POLR2F: variants seen among roughly 807,000 people sequenced by gnomAD.
POLR2F encodes DNA-directed RNA polymerases I, II, and III subunit RPABC2.
POLR2F carries 12 observed loss-of-function variants against 22.7 expected under a neutral mutation model. That is an observed-to-expected ratio of 0.53 (90% CI 0.34 to 0.86). POLR2F has a LOEUF of 0.86. Among genes scored for constraint, POLR2F ranks in the 40% least tolerant of loss-of-function variants. The probability of loss-of-function intolerance (pLI) is 0.02; values close to 1 mark genes in which losing one functional copy is unlikely to be tolerated. For missense variants in POLR2F, 126 were observed against 171.5 expected (o/e 0.73, Z 1.48); for synonymous variants, 57 against 66.0 (o/e 0.86, Z 0.66).
In POLR2F at chr22:37,967,924, G is replaced by A; in HGVS notation, c.*209G>A. 7.8e-7 allele frequency: 1 copy of A among 1,283,112 alleles called. No individual in the cohort carries two copies. Among genetic ancestry groups the A allele is most frequent in the Non-Finnish European group, 9.9e-7 (1 of 1,014,460 alleles). 79.5% of individuals were successfully genotyped at this position (1,283,112 alleles called of 1,614,324 possible). On this transcript the variant is annotated 3_prime_UTR_variant, in exon 5 of 5. Transcript: ENST00000442738. ...CTGTCAGCTCCTTAAGAAGCACCAGGGGCCCTTAGCCCCTTTGGATCCCCC... is the reference window on the plus strand; with the variant it reads ...CTGTCAGCTCCTTAAGAAGCACCAGAGGCCCTTAGCCCCTTTGGATCCCCC...
chr22:38,014,806 ATTT>A (rs71737468), intron 1 of POLR2F, among the ~76,000 whole-genome samples: 18 of 96,922 alleles, frequency 1.9e-4, no homozygotes, highest in Admixed American at 3.4e-4. Flanking sequence ...GTATTTTTGT[ATTT>A]TTTTTTTTTT....
chr22:37,972,038 A>G (rs1253135179), downstream of POLR2F, among the ~76,000 whole-genome samples: 2 of 144,842 alleles, frequency 1.4e-5, no homozygotes, highest in African/African-American at 5.1e-5. Context: ...GAGAGACAGA[A>G]AGAGAGAGAG....
chr22:37,982,585 T>C (rs1932433629), upstream of POLR2F, among the ~76,000 whole-genome samples: 1 of 151,806 alleles, frequency 6.6e-6, no homozygotes. Context: ...CTGGCCAGAG[T>C]GCTCAGCTCC....
downstream of POLR2F, among the ~76,000 whole-genome samples, chr22:38,028,222 G>A (rs886924568): frequency 1.3e-5 from 2 of 152,218 alleles, no homozygotes; most frequent in Non-Finnish European, 2.9e-5. Flanking sequence ...CATGAGAACA[G>A]TGGGGACCTG....
intron 1 of POLR2F, among the ~76,000 whole-genome samples, chr22:37,989,839 G>GCA (rs552873919): frequency 1.1e-4 from 16 of 152,278 alleles, no homozygotes; most frequent in South Asian, 6.2e-4. Flanking sequence ...CTCCTTGCCT[G>GCA]GGCCTTTGGG....
At chr22:38,003,658 C>G (rs1455441141) in intron 1 of POLR2F, among the ~76,000 whole-genome samples, 2 of 151,866 alleles carry the variant, frequency 1.3e-5, no homozygotes, top group African/African-American at 4.8e-5. Context: ...CTTACTGCAA[C>G]CTTTGCATCT....
chr22:38,004,344 G>A (rs1452545679), intron 1 of POLR2F, among the ~76,000 whole-genome samples: 11 of 152,152 alleles, frequency 7.2e-5, no homozygotes, highest in Non-Finnish European at 1.6e-4. Context: ...TGGGTCGTAG[G>A]GAGGGAAGAA....
At chr22:37,981,031 C>A (rs1932380038) in intron 4 of POLR2F, among the ~76,000 whole-genome samples, 1 of 152,208 alleles carries the variant, frequency 6.6e-6, no homozygotes, top group African/African-American at 2.4e-5. Flanking sequence ...CTCAACTAGC[C>A]CCTCCCCAGA....
At chr22:38,013,301 A>G (rs1464286300) in intron 1 of POLR2F, among the ~76,000 whole-genome samples, 1 of 152,142 alleles carries the variant, frequency 6.6e-6, no homozygotes. Flanking sequence ...ACATGCCACC[A>G]TGCCTGGCTA....
At chr22:38,028,674 G>A (rs530293546), downstream of POLR2F, among the ~76,000 whole-genome samples, 1 of 152,232 alleles carries the variant, frequency 6.6e-6, no homozygotes, top group African/African-American at 2.4e-5. Flanking sequence ...AGAGGACAGC[G>A]GCCACATAGC....
Position 37,953,784 on chromosome 22 carries a change from T to G in POLR2F, c.-4T>G. The G allele has an allele frequency of 6.2e-7, 1 of 1,608,786 alleles. No homozygotes were observed. Among genetic ancestry groups the G allele is most frequent in the East Asian group, 2.2e-5 (1 of 44,668 alleles). The stretch of plus-strand genomic sequence containing the variant: ...CGCAGCGGGGTCGCTGAGGCGAGGG[T>G]GTCATGTCAGACAACGAGGACAAGT... On this transcript the variant is annotated 5_prime_UTR_variant, in exon 1 of 5. Transcript: ENST00000442738.
chr22:38,027,355 G>T (rs951020894), downstream of POLR2F, among the ~76,000 whole-genome samples: 1 of 152,072 alleles, frequency 6.6e-6, no homozygotes, highest in Non-Finnish European at 1.5e-5. Context: ...AGGTGTAGAG[G>T]CGTGAAATGG....
downstream of POLR2F, among the ~76,000 whole-genome samples, chr22:38,029,573 T>C (rs1019519043): frequency 5.9e-5 from 9 of 152,130 alleles, no homozygotes; most frequent in Non-Finnish European, 5.9e-5. Flanking sequence ...GGGATGGGTT[T>C]TGAAGGATGC....
chr22:37,980,438 G>A lies in POLR2F; in HGVS notation c.293+13268G>A, dbSNP rs976806585. On this transcript the variant is annotated intron_variant, in intron 4 of 4. Transcript: ENST00000405557. The surrounding 1 kb of genome is among the most constrained non-coding windows in gnomAD (Gnocchi z 4.1). Reference sequence around the variant, plus strand: ...AGAAGAGAGAGAGGATTCCAACATCGGATTCCGCTGCTACCTCCTAAGCTA... The same window carrying A: ...AGAAGAGAGAGAGGATTCCAACATCAGATTCCGCTGCTACCTCCTAAGCTA... 6.6e-6 allele frequency among the ~76,000 whole-genome samples: 1 copy of A among 152,086 alleles called. No individual in the cohort carries two copies. The highest frequency in any genetic ancestry group is 1.5e-5 in the Non-Finnish European group (1 of 68,010).
intron 3 of POLR2F, among the ~76,000 whole-genome samples, chr22:37,965,672 C>T (rs1279271687): frequency 6.6e-6 from 1 of 152,160 alleles, no homozygotes; most frequent in Non-Finnish European, 1.5e-5. Flanking sequence ...GGGAAATTTT[C>T]AGGCTTTTGG....
At chr22:37,977,939 T>G (rs1932272069) in intron 4 of POLR2F, 1 of 1,612,582 alleles carries the variant, frequency 6.2e-7, no homozygotes, top group South Asian at 1.1e-5. Flanking sequence ...AAGTGGGCGC[T>G]CTTGTAGTGG....
intron 1 of POLR2F, among the ~76,000 whole-genome samples, chr22:38,001,467 CAGAG>C (rs1170934259): frequency 6.6e-6 from 1 of 152,172 alleles, no homozygotes; most frequent in East Asian, 1.9e-4. Context: ...TTTGGGGACA[CAGAG>C]AGCGATGAGC....
chr22:38,009,081 C>G (rs143020942), intron 1 of POLR2F, among the ~76,000 whole-genome samples: 3 of 152,024 alleles, frequency 2.0e-5, no homozygotes, highest in Non-Finnish European at 4.4e-5. Flanking sequence ...AAGGAACAAC[C>G]GTGCAGAGGC....
At chr22:37,954,479 G>C (rs1308171190) in intron 1 of POLR2F, among the ~76,000 whole-genome samples, 5 of 152,086 alleles carry the variant, frequency 3.3e-5, no homozygotes, top group Non-Finnish European at 7.4e-5. Flanking sequence ...ATTGCTTGTA[G>C]TTTTAGTAGA....
Sources: allele counts gnomAD v4.1 joint callset (sites outside exome capture counted in the v4.1 genomes callset), GRCh38; gene constraint gnomAD v4.1.1; non-coding constraint Gnocchi (gnomAD v3.1); transcripts MANE v1.5; gene names NCBI Gene and HGNC (gene_info 2026-07-23, HGNC 2026-07-21).